ASIC2: variants seen among roughly 807,000 people sequenced by gnomAD.
The protein encoded by ASIC2 is acid-sensing ion channel 2.
In ASIC2, 25 loss-of-function variants were observed where a neutral mutation model predicts 57.3. That is an observed-to-expected ratio of 0.44 (90% confidence interval 0.32 to 0.61). The LOEUF (loss-of-function observed/expected upper bound fraction) is 0.61, where lower values mean the gene tolerates loss of function less well. Ranked by LOEUF, ASIC2 falls within the 20% of genes least tolerant of loss-of-function variation. ASIC2 has a pLI of 0.06. For missense variants in ASIC2, 641 were observed against 738.1 expected (o/e 0.87, Z 1.52); for synonymous variants, 319 against 307.5 (o/e 1.04, Z -0.39).
At chr17:33,274,413 A>G (rs1157266804) in intron 1 of ASIC2, among the ~76,000 whole-genome samples, 1 of 152,228 alleles carries the variant, frequency 6.6e-6, no homozygotes, top group East Asian at 1.9e-4. Flanking sequence ...CTCCTAGCGT[A>G]TAGTTCTCCA....
chr17:33,775,587 T>G (rs1462108235), intron 1 of ASIC2, among the ~76,000 whole-genome samples: 6 of 152,180 alleles, frequency 3.9e-5, no homozygotes, highest in Non-Finnish European at 8.8e-5. Flanking sequence ...TCCCATAGTG[T>G]GCATCTGTGT....
intron 1 of ASIC2, among the ~76,000 whole-genome samples, chr17:33,801,827 A>G (rs1912141211): frequency 6.6e-6 from 1 of 152,218 alleles, no homozygotes; most frequent in African/African-American, 2.4e-5. Context: ...ACAGGGCTCA[A>G]TACCCACAGG....
intron 1 of ASIC2, among the ~76,000 whole-genome samples, chr17:33,662,488 G>GT (rs1271416133): frequency 1.4e-5 from 2 of 143,616 alleles, no homozygotes; most frequent in African/African-American, 2.7e-5. Flanking sequence ...AGGTGTGGTG[G>GT]GGGGGGCACC....
At chr17:34,124,360 A>G (rs752439540) in intron 1 of ASIC2, among the ~76,000 whole-genome samples, 14 of 152,214 alleles carry the variant, frequency 9.2e-5, no homozygotes, top group Non-Finnish European at 1.6e-4. Context: ...AGCATTTTAA[A>G]AATTCAAAAT....
intron 3 of ASIC2, among the ~76,000 whole-genome samples, chr17:33,063,121 C>G (rs1413912560): frequency 2.6e-5 from 4 of 152,170 alleles, no homozygotes; most frequent in Non-Finnish European, 4.4e-5. Context: ...ATCCAATTTG[C>G]CAGTCTGTGT....
At chr17:33,877,699 A>T (rs560586662) in intron 1 of ASIC2, among the ~76,000 whole-genome samples, 34 of 152,352 alleles carry the variant, frequency 2.2e-4, no homozygotes, top group African/African-American at 7.9e-4. Context: ...ACAGCCAAAC[A>T]AAAGGCAGCA....
chr17:33,903,990 C>A (rs1174357444), intron 1 of ASIC2, among the ~76,000 whole-genome samples: 1 of 151,480 alleles, frequency 6.6e-6, no homozygotes, highest in South Asian at 2.1e-4. Context: ...ATGGAGAAAC[C>A]CCGTCTCTAC....
chr17:33,976,569 C>G (rs1282578496), intron 1 of ASIC2: 3 of 152,106 alleles, frequency 2.0e-5, no homozygotes, highest in Admixed American at 6.5e-5. Flanking sequence ...GCCCTGTGCC[C>G]GGTGAAGTAC....
intron 1 of ASIC2, among the ~76,000 whole-genome samples, chr17:33,268,547 T>C (rs928355046): frequency 3.9e-5 from 6 of 152,162 alleles, no homozygotes; most frequent in African/African-American, 1.4e-4. Flanking sequence ...ATTAACTCTA[T>C]AACAATAAGA....
chr17:34,132,247 C>T (rs996645197), intron 1 of ASIC2, among the ~76,000 whole-genome samples: 13 of 152,118 alleles, frequency 8.5e-5, no homozygotes, highest in South Asian at 6.2e-4. Flanking sequence ...ACTTCAAGAA[C>T]GAAGCCGGGG....
chr17:33,992,109 A>G (rs977443067), intron 1 of ASIC2, among the ~76,000 whole-genome samples: 1 of 152,124 alleles, frequency 6.6e-6, no homozygotes, highest in African/African-American at 2.4e-5. Flanking sequence ...ACCTACTGTG[A>G]TAGAACTGGA....
chr17:33,610,819 C>T (rs1230666472), intron 1 of ASIC2, among the ~76,000 whole-genome samples: 1 of 152,098 alleles, frequency 6.6e-6, no homozygotes, highest in Non-Finnish European at 1.5e-5. Context: ...TGCTTAAGCC[C>T]AGGAGGTCGA....
chr17:33,977,051 G>C (rs1905417074), intron 1 of ASIC2, among the ~76,000 whole-genome samples: 1 of 152,078 alleles, frequency 6.6e-6, no homozygotes, highest in African/African-American at 2.4e-5. Context: ...TGGTATTTCT[G>C]ATACAAATGA....
chr17:33,894,155 C>T (rs1915030734), intron 1 of ASIC2, among the ~76,000 whole-genome samples: 1 of 152,122 alleles, frequency 6.6e-6, no homozygotes, highest in South Asian at 2.1e-4. Flanking sequence ...TTGATGAACC[C>T]CCTTAGGGGG....
intron 1 of ASIC2, among the ~76,000 whole-genome samples, chr17:33,428,525 G>C (rs967838888): frequency 6.6e-6 from 1 of 151,956 alleles, no homozygotes; most frequent in Non-Finnish European, 1.5e-5. Context: ...GGTCACAGTG[G>C]GCTGATAGTC....
At chr17:33,090,189 C>T (rs9916481) in intron 2 of ASIC2, among the ~76,000 whole-genome samples, 34,894 of 152,128 alleles carry the variant, frequency 0.23, 4,452 homozygotes, top group South Asian at 0.42. Flanking sequence ...CTACCTTGTC[C>T]ACCTGACCAT....
intron 2 of ASIC2, among the ~76,000 whole-genome samples, chr17:33,090,618 C>T (rs561186841): frequency 2.6e-5 from 4 of 151,790 alleles, no homozygotes; most frequent in Admixed American, 6.6e-5. Context: ...AGGGGGAGGA[C>T]ATGTCAGCAC....
intron 1 of ASIC2, among the ~76,000 whole-genome samples, chr17:33,735,202 G>T (rs1909873780): frequency 6.6e-6 from 1 of 152,008 alleles, no homozygotes. Context: ...GCCTGCCATT[G>T]TGTTTGCTTA....
intron 1 of ASIC2, among the ~76,000 whole-genome samples, chr17:34,030,987 C>G (rs1377377328): frequency 6.6e-6 from 1 of 152,250 alleles, no homozygotes; most frequent in African/African-American, 2.4e-5. Flanking sequence ...AATTAAATGT[C>G]CCTCTCTGAC....
Sources: gnomAD v4.1 joint callset for allele counts (sites outside exome capture counted in the v4.1 genomes callset) on GRCh38, gnomAD v4.1.1 for gene constraint, MANE v1.5 for transcripts, NCBI Gene and HGNC (gene_info 2026-07-23, HGNC 2026-07-21) for gene names.